CHLSN: variants seen among roughly 807,000 people sequenced by gnomAD.
The protein encoded by CHLSN is cholesin, also known as protein cholesin.
the CHLSN span, among the ~76,000 whole-genome samples, chr7:1,001,401 A>C: frequency 3.6e-5 from 3 of 84,022 alleles, no homozygotes; most frequent in African/African-American, 1.4e-4. Flanking sequence ...GTGGGTGGGG[A>C]GTCCTGTGGG....
chr7:1,068,608 T>G, the CHLSN span, among the ~76,000 whole-genome samples: 1 of 152,224 alleles, frequency 6.6e-6, no homozygotes, highest in Admixed American at 6.5e-5. Flanking sequence ...CCTGCCTGGG[T>G]TGCCGATGCC....
the CHLSN span, among the ~76,000 whole-genome samples, chr7:1,016,508 GCAGCGCACAGCAGCA>G: frequency 2.0e-5 from 2 of 101,436 alleles, no homozygotes; most frequent in Non-Finnish European, 3.9e-5. Context: ...CAGCAGCACA[GCAGCGCACAGCAGCA>G]CACACCAGCA....
chr7:1,119,818 G>A, the CHLSN span, among the ~76,000 whole-genome samples: 10 of 151,698 alleles, frequency 6.6e-5, no homozygotes, highest in South Asian at 4.2e-4. Context: ...CAGAGGTTGC[G>A]GTGAGCCGAG....
chr7:1,026,958 C>G, the CHLSN span: 3 of 152,256 alleles, frequency 2.0e-5, no homozygotes, highest in African/African-American at 7.2e-5. Flanking sequence ...ATGTTCTCAT[C>G]TCAGAGGCCC....
chr7:1,021,550 G>A, the CHLSN span: 1 of 985,446 alleles, frequency 1.0e-6, no homozygotes, highest in Non-Finnish European at 1.2e-6. Context: ...CCGCACAGGA[G>A]TAGGGCTTCA....
chr7:1,002,408 T>C, the CHLSN span, among the ~76,000 whole-genome samples: 1 of 121,024 alleles, frequency 8.3e-6, no homozygotes, highest in East Asian at 3.0e-4. Flanking sequence ...AGTGGAGTCC[T>C]GCCGGTGGGG....
chr7:1,085,523 A>G, the CHLSN span, among the ~76,000 whole-genome samples: 6 of 152,280 alleles, frequency 3.9e-5, no homozygotes, highest in South Asian at 1.0e-3. Flanking sequence ...AGGGTGACCT[A>G]AGATCAAGCA....
At chr7:1,013,059 G>A in the CHLSN span, among the ~76,000 whole-genome samples, 3 of 152,300 alleles carry the variant, frequency 2.0e-5, no homozygotes, top group Non-Finnish European at 2.9e-5. Flanking sequence ...GGAGCAGCGC[G>A]GGAGGGTGGT....
the CHLSN span, among the ~76,000 whole-genome samples, chr7:1,002,490 C>A: frequency 1.1e-3 from 68 of 59,994 alleles, no homozygotes; most frequent in African/African-American, 4.6e-3. Context: ...GGTGGGGAGT[C>A]CTGTGGGTGA....
chr7:1,015,962 G>A, the CHLSN span, among the ~76,000 whole-genome samples: 51,299 of 144,790 alleles, frequency 0.35, 10,948 homozygotes, highest in African/African-American at 0.55. Flanking sequence ...ACCCTGGACC[G>A]GCGTCTGTCT....
At chr7:991,056 C>T in the CHLSN span, among the ~76,000 whole-genome samples, 2 of 152,018 alleles carry the variant, frequency 1.3e-5, no homozygotes, top group African/African-American at 2.4e-5. Context: ...AGGGGACCCT[C>T]GGGCCCCCGC....
At chr7:1,000,351 C>T in the CHLSN span, 1 of 868,058 alleles carries the variant, frequency 1.2e-6, no homozygotes, top group Non-Finnish European at 1.7e-6. Flanking sequence ...CACACCTCAG[C>T]CCCCGGGAGA....
the CHLSN span, among the ~76,000 whole-genome samples, chr7:1,042,107 G>C: frequency 6.6e-6 from 1 of 152,010 alleles, no homozygotes; most frequent in Non-Finnish European, 1.5e-5. Flanking sequence ...CCTCGGCAGT[G>C]TGCGGGGCTG....
chr7:1,044,746 C>T, the CHLSN span: 2 of 152,316 alleles, frequency 1.3e-5, no homozygotes, highest in Admixed American at 1.3e-4. Flanking sequence ...GCTGCTGTGG[C>T]TCCCACGGCG....
chr7:1,000,834 C>T, the CHLSN span, among the ~76,000 whole-genome samples: 1 of 152,244 alleles, frequency 6.6e-6, no homozygotes, highest in Non-Finnish European at 1.5e-5. Flanking sequence ...TGGGCTCCCC[C>T]ACCCCATGGG....
the CHLSN span, among the ~76,000 whole-genome samples, chr7:996,014 C>T: frequency 6.6e-6 from 1 of 152,214 alleles, no homozygotes; most frequent in African/African-American, 2.4e-5. Context: ...ATAGAGATGG[C>T]CTGAGTGGTC....
the CHLSN span, among the ~76,000 whole-genome samples, chr7:1,016,765 A>ACAGCGCACAG: frequency 1.3e-5 from 1 of 77,054 alleles, no homozygotes; most frequent in Non-Finnish European, 2.4e-5. Flanking sequence ...ACGCCAGCGC[A>ACAGCGCACAG]CAGCGCACAG....
the CHLSN span, among the ~76,000 whole-genome samples, chr7:1,136,125 TATAAATATATAC>T: frequency 7.3e-5 from 6 of 82,244 alleles, no homozygotes; most frequent in East Asian, 6.3e-4. Context: ...CATAAATATA[TATAAATATATAC>T]ATAAATATAT....
At chr7:1,113,652 C>T in the CHLSN span, among the ~76,000 whole-genome samples, 1 of 152,208 alleles carries the variant, frequency 6.6e-6, no homozygotes, top group Admixed American at 6.5e-5. Context: ...GCCCTTACGA[C>T]ACCCACCTCG....
Sources: gnomAD v4.1 joint callset for allele counts (sites outside exome capture counted in the v4.1 genomes callset) on GRCh38, gnomAD v4.1.1 for gene constraint, MANE v1.5 for transcripts, NCBI Gene and HGNC (gene_info 2026-07-23, HGNC 2026-07-21) for gene names.